ZNF536: variants seen among roughly 807,000 people sequenced by gnomAD.
ZNF536 encodes the protein zinc finger protein 536.
Under a neutral mutation model 84.5 loss-of-function variants are expected in ZNF536, and 13 were observed. That is an observed-to-expected ratio of 0.15 (90% CI 0.10 to 0.24). ZNF536 has a LOEUF of 0.24. Ranked by LOEUF, ZNF536 falls within the 10% of genes least tolerant of loss-of-function variation. The pLI, the probability that ZNF536 is intolerant of heterozygous loss-of-function variation, is 1.00. For synonymous variants in ZNF536, 811 were observed against 742.5 expected, an observed-to-expected ratio of 1.09 and a Z score of -1.50; for missense variants, 1,536 against 1,747.5, an observed-to-expected ratio of 0.88 and a Z score of 2.16.
At chr19:30,453,443 C>A (rs914768493) in intron 2 of ZNF536, among the ~76,000 whole-genome samples, 1 of 152,196 alleles carries the variant, frequency 6.6e-6, no homozygotes, top group African/African-American at 2.4e-5. Flanking sequence ...ACTCTCTTCA[C>A]CTAAGTCCTT....
At chr19:30,327,432 T>A (rs1409776089) in intron 2 of ZNF536, among the ~76,000 whole-genome samples, 3 of 152,232 alleles carry the variant, frequency 2.0e-5, no homozygotes, top group South Asian at 4.1e-4. Flanking sequence ...GTGGGGTGTT[T>A]TCTAGGCCTG....
chr19:30,414,960 T>A (rs958411944), intron 1 of ZNF536, among the ~76,000 whole-genome samples: 1 of 152,214 alleles, frequency 6.6e-6, no homozygotes, highest in Non-Finnish European at 1.5e-5. Context: ...CATTGAGAAG[T>A]CTGATGACAG....
intron 1 of ZNF536, among the ~76,000 whole-genome samples, chr19:30,647,583 G>C (rs2049524250): frequency 6.6e-6 from 1 of 152,162 alleles, no homozygotes; most frequent in Non-Finnish European, 1.5e-5. Flanking sequence ...TCCCTTTATG[G>C]ACATGAAAGC....
At chr19:30,529,850 G>A (rs2044734042) in intron 2 of ZNF536, among the ~76,000 whole-genome samples, 1 of 152,194 alleles carries the variant, frequency 6.6e-6, no homozygotes, top group Non-Finnish European at 1.5e-5. Flanking sequence ...TATGGCCTGT[G>A]TCTGCCTGGA....
At chr19:30,286,173 A>C (rs2145716358) in intron 2 of ZNF536, among the ~76,000 whole-genome samples, 1 of 152,322 alleles carries the variant, frequency 6.6e-6, no homozygotes, top group East Asian at 1.9e-4. Flanking sequence ...ATGATTGATA[A>C]CATTCCACCT....
chr19:30,334,733 G>T (rs2047325037), intron 2 of ZNF536, among the ~76,000 whole-genome samples: 1 of 152,174 alleles, frequency 6.6e-6, no homozygotes, highest in Admixed American at 6.5e-5. Context: ...AGCCTTTACA[G>T]CAGTTTCCAA....
At chr19:30,597,146 A>T (rs2047495187) in intron 1 of ZNF536, among the ~76,000 whole-genome samples, 1 of 152,258 alleles carries the variant, frequency 6.6e-6, no homozygotes, top group Non-Finnish European at 1.5e-5. Context: ...TCCCTGCACC[A>T]GTGCGCAAGC....
At chr19:30,372,820 C>T (rs933859178) in intron 1 of ZNF536, among the ~76,000 whole-genome samples, 3 of 104,318 alleles carry the variant, frequency 2.9e-5, no homozygotes, top group African/African-American at 8.5e-5. Context: ...TTAATTCTCT[C>T]CATCACCCGC....
Position 30,232,950 on chromosome 19 carries a change from C to T in ZNF536, c.-190+4277C>T, listed in dbSNP as rs376503763. Among the ~76,000 whole-genome samples the T allele has an allele frequency of 4.8e-4, 73 of 152,322 alleles. 1 individual carries two copies. The highest frequency in any genetic ancestry group is 4.2e-3 in the East Asian group (22 of 5,186). The stretch of plus-strand genomic sequence containing the variant: ...TCAAGCTTATTTCCCACACTTTATG[C>T]GCTGGGCCTTGTCTTGGGCCTCTTC... On this transcript the variant is annotated intron_variant, in intron 1 of 5. Coordinates refer to the ZNF536 transcript ENST00000585628.
intron 2 of ZNF536, among the ~76,000 whole-genome samples, chr19:30,492,797 T>G (rs1251233642): frequency 6.6e-6 from 1 of 152,176 alleles, no homozygotes; most frequent in African/African-American, 2.4e-5. Flanking sequence ...AAGCATATAC[T>G]ATGGTAGTTT....
intron 1 of ZNF536, among the ~76,000 whole-genome samples, chr19:30,590,907 C>G (rs2047256816): frequency 6.6e-6 from 1 of 152,212 alleles, no homozygotes; most frequent in Non-Finnish European, 1.5e-5. Flanking sequence ...TCCCAGGTGG[C>G]AAGAAACTGG....
rs187364227 is a variant in ZNF536 at position 30,575,304 on chromosome 19, G to A, written c.169+25790G>A. Among the ~76,000 whole-genome samples the A allele has an allele frequency of 2.6e-5, 4 of 151,722 alleles. No individual in the cohort carries two copies. The East Asian group carries it at 7.7e-4, about 29-fold the overall frequency. ...CGCCGGGCACTTCCCTCCATGGACA[G>A]CCCCTCCATGGGATAGGACTTTGTT... On this transcript the variant is annotated intron_variant, in intron 1 of 1. Coordinates refer to the ZNF536 transcript ENST00000592773.
intron 2 of ZNF536, among the ~76,000 whole-genome samples, chr19:30,527,845 T>G (rs1207300912): frequency 1.3e-5 from 2 of 152,212 alleles, no homozygotes; most frequent in Non-Finnish European, 2.9e-5. Context: ...GGTATTATCT[T>G]GCTCCTGAAA....
chr19:30,551,188 C>A (rs1411221427), intron 4 of ZNF536, among the ~76,000 whole-genome samples: 1 of 149,906 alleles, frequency 6.7e-6, no homozygotes, highest in African/African-American at 2.5e-5. Flanking sequence ...GGACCATAGT[C>A]CCTGCCAGGA....
Position 30,460,679 on chromosome 19 carries a change from G to A in ZNF536, c.2170+14947G>A, listed in dbSNP as rs376605935. Among the ~76,000 whole-genome samples, 61 of 152,266 alleles carry A rather than the reference G, an allele frequency of 4.0e-4. 1 individual carries two copies. The South Asian group carries it at 0.012, about 31-fold the overall frequency. ...ATCCTTCCATGTGGCCACTGTGTGT[G>A]CAGGACTGTGTCCCTCATCATGTTA... On this transcript the variant is annotated intron_variant, in intron 2 of 4. Coordinates refer to ENST00000355537, the MANE Select transcript of ZNF536 (RefSeq NM_014717.3).
At chr19:30,653,709 G>A (rs954652246) in intron 1 of ZNF536, among the ~76,000 whole-genome samples, 3 of 151,488 alleles carry the variant, frequency 2.0e-5, no homozygotes, top group South Asian at 4.2e-4. Context: ...AGCAGGTGAT[G>A]GAAGAGAGGT....
intron 1 of ZNF536, among the ~76,000 whole-genome samples, chr19:30,661,909 G>GT (rs922251314): frequency 9.3e-5 from 14 of 150,480 alleles, no homozygotes; most frequent in Admixed American, 4.0e-4. Context: ...ATGGCCAGTG[G>GT]TTTTTTTCTA....
intron 1 of ZNF536, among the ~76,000 whole-genome samples, chr19:30,635,941 C>G (rs969331349): frequency 7.9e-5 from 12 of 152,224 alleles, no homozygotes; most frequent in Non-Finnish European, 1.6e-4. Context: ...CCCGGGTACT[C>G]CAGCTGATGG....
intron 1 of ZNF536, among the ~76,000 whole-genome samples, chr19:30,238,796 T>C (rs2023729429): frequency 6.8e-6 from 1 of 147,114 alleles, no homozygotes; most frequent in Non-Finnish European, 1.5e-5. Flanking sequence ...AAAGCAGTGA[T>C]GTTCTCCTAG....
Sources: allele counts gnomAD v4.1 joint callset (sites outside exome capture counted in the v4.1 genomes callset), GRCh38; gene constraint gnomAD v4.1.1; transcripts MANE v1.5; gene names NCBI Gene and HGNC (gene_info 2026-07-23, HGNC 2026-07-21).